GPCPD1: variants seen among roughly 807,000 people sequenced by gnomAD.
The protein encoded by GPCPD1 is glycerophosphocholine phosphodiesterase 1, also known as glycerophosphocholine phosphodiesterase GPCPD1.
GPCPD1 carries 29 observed loss-of-function variants against 89.2 expected under a neutral mutation model. The observed-to-expected ratio is 0.33, with a 90% CI of 0.24 to 0.44. GPCPD1 has a LOEUF of 0.44. Among genes scored for constraint, GPCPD1 ranks in the 20% least tolerant of loss-of-function variants. The pLI, the probability that GPCPD1 is intolerant of heterozygous loss-of-function variation, is 1.00. For synonymous variants in GPCPD1, 258 were observed against 266.3 expected (o/e 0.97, Z 0.30); for missense variants, 594 against 808.9 (o/e 0.73, Z 3.22).
At chr20:5,571,754 C>CA (rs1403620422) in intron 11 of GPCPD1, among the ~76,000 whole-genome samples, 1 of 151,976 alleles carries the variant, frequency 6.6e-6, no homozygotes, top group African/African-American at 2.4e-5. Context: ...ACTAAAATTA[C>CA]AAAAATTAGC....
intron 3 of GPCPD1, among the ~76,000 whole-genome samples, chr20:5,595,925 C>G (rs1432785746): frequency 6.6e-6 from 1 of 152,094 alleles, no homozygotes; most frequent in African/African-American, 2.4e-5. Context: ...CGTGCTGCCG[C>G]CTCTCCCTCA....
Position 5,570,426 on chromosome 20 carries a change from C to CAAA in GPCPD1, c.1057-190_1057-188dup, listed in dbSNP as rs36030193. On this transcript the variant is annotated intron_variant, in intron 11 of 19. Transcript: ENST00000379019. ...CAAAAGCACAGCTACTTTTTCCTGG[C>CAAA]AAAAAAAAAAAAAAAAAAAAACGGA... Among the ~76,000 whole-genome samples, 710 of 85,730 alleles carry CAAA rather than the reference C, an allele frequency of 8.3e-3. 23 individuals are homozygous for CAAA. The highest frequency in any genetic ancestry group is 0.043 in the East Asian group (125 of 2,892). The allele number at this position is 85,730 out of a possible 152,430, so 56.2% of individuals were successfully genotyped here.
At chr20:5,561,360 G>T in intron 16 of GPCPD1, 105 bp downstream of exon 16, 1 of 601,366 alleles carries the variant, frequency 1.7e-6, no homozygotes, top group South Asian at 2.3e-5. Flanking sequence ...AAGCCACAAT[G>T]AGATTTCAAT....
rs150061865 is a variant in GPCPD1, at chr20:5,594,945, T to C, written c.147-1534A>G. ...CAAACTTTTTTGTTATTATTATATC[T>C]GTTATGGTGATTGCATGCTACAGAA... On this transcript the variant is annotated intron_variant, in intron 3 of 19. Coordinates refer to ENST00000379019, the MANE Select transcript of GPCPD1 (RefSeq NM_019593.5). Among the ~76,000 whole-genome samples the C allele has an allele frequency of 1.1e-4, 16 of 152,318 alleles. No homozygotes were observed. The East Asian group carries it at 2.7e-3, about 26-fold the overall frequency.
intron 19 of GPCPD1, 80 bp from the exon 20 acceptor site, chr20:5,547,930 A>AT: frequency 1.5e-6 from 1 of 663,514 alleles, no homozygotes; most frequent in Non-Finnish European, 2.5e-6. Context: ...CAACCTTTTC[A>AT]TAAGAATTCA....
At chr20:5,583,757 A>G (rs548914561) in intron 6 of GPCPD1, among the ~76,000 whole-genome samples, 11 of 152,338 alleles carry the variant, frequency 7.2e-5, no homozygotes, top group African/African-American at 2.4e-4. Context: ...ACACAAACTT[A>G]GCCTAAGTGT....
chr20:5,593,505 T>C (rs1979483641), intron 3 of GPCPD1, 94 bp from the exon 4 acceptor site: 1 of 713,214 alleles, frequency 1.4e-6, no homozygotes, highest in Non-Finnish European at 2.5e-6. Flanking sequence ...ATAAAACGTA[T>C]GACCAATATC....
chr20:5,558,152 C>A (rs985402219), intron 18 of GPCPD1, 47 bp from the exon 19 acceptor site: 3 of 1,184,820 alleles, frequency 2.5e-6, no homozygotes, highest in African/African-American at 1.5e-5. Context: ...ACATTAACTG[C>A]AAAGCTAAAT....
At chr20:5,556,991 T>A (rs1985808013) in intron 19 of GPCPD1, among the ~76,000 whole-genome samples, 1 of 152,208 alleles carries the variant, frequency 6.6e-6, no homozygotes, top group South Asian at 2.1e-4. Flanking sequence ...GAATAGAAGT[T>A]GTTATTTGAA....
Position 5,578,493 on chromosome 20 carries a change from A to T in GPCPD1, c.592T>A (p.Cys198Ser). 1 of 1,613,810 alleles carries T rather than the reference A, an allele frequency of 6.2e-7. No individual in the cohort carries two copies. Among genetic ancestry groups the T allele is most frequent in the Non-Finnish European group, 8.5e-7 (1 of 1,179,636 alleles). ...CCACACTCCGGCTGTGAATGCCTGC[A>T]CTTGAACTCATTGTCGCTTATTAAG... ...ISLISDNEFK[C>S]RHSQPECGYG... The change falls in exon 8 of 20, where the codon TGC becomes AGC. Residue 198 changes from cysteine to serine, a missense_variant. Physicochemically the swap from Cys to Ser is moderately radical, Grantham distance 112 (BLOSUM62 -1). Coordinates refer to ENST00000379019, the MANE Select transcript of GPCPD1 (RefSeq NM_019593.5).
At chr20:5,564,609 C>T (rs193230771) in intron 15 of GPCPD1, among the ~76,000 whole-genome samples, 18 of 152,194 alleles carry the variant, frequency 1.2e-4, no homozygotes, top group Admixed American at 1.1e-3. Flanking sequence ...TGGGGGACAG[C>T]GTAAGTCCAG....
At chr20:5,574,916 T>C (rs1422602549) in intron 10 of GPCPD1, among the ~76,000 whole-genome samples, 3 of 152,142 alleles carry the variant, frequency 2.0e-5, no homozygotes, top group African/African-American at 4.8e-5. Context: ...CACTGGTAAT[T>C]AAATAAACTT....
chr20:5,586,346 G>A, intron 4 of GPCPD1, 77 bp from the exon 5 acceptor site: 1 of 776,816 alleles, frequency 1.3e-6, no homozygotes, highest in South Asian at 1.5e-5. Flanking sequence ...AGATGTTTGT[G>A]GCCTAAATCT....
At chr20:5,569,881 G>A (rs551063255) in intron 12 of GPCPD1, among the ~76,000 whole-genome samples, 10 of 152,070 alleles carry the variant, frequency 6.6e-5, no homozygotes, top group African/African-American at 1.4e-4. Context: ...TAGACAGACC[G>A]CTACAGAAAC....
intron 19 of GPCPD1, 81 bp downstream of exon 19, chr20:5,557,864 A>G (rs1050006964): frequency 5.1e-6 from 4 of 778,160 alleles, no homozygotes; most frequent in East Asian, 5.6e-5. Context: ...TAACTTAACT[A>G]AGTTTAATTT....
intron 3 of GPCPD1, among the ~76,000 whole-genome samples, chr20:5,595,370 TG>T (rs1979640310): frequency 6.6e-6 from 1 of 152,022 alleles, no homozygotes. Context: ...CTGCCAGGCG[TG>T]GTGGCTCACG....
At chr20:5,556,399 T>A (rs1422438439) in intron 19 of GPCPD1, among the ~76,000 whole-genome samples, 1 of 152,130 alleles carries the variant, frequency 6.6e-6, no homozygotes, top group African/African-American at 2.4e-5. Context: ...AGAGACAGGG[T>A]TTCACCATGT....
In GPCPD1 at chr20:5,604,368, T is replaced by C; in HGVS notation, c.45A>G (p.Leu15=). The part of the protein sequence containing the change: ...QVAFEIRGTL[L]PGEVFAICGS... Reference sequence around the variant, plus strand: ...AAAGTAAAACTTTTACAATACCTGGTAAAAGAGTTCCTCTTATTTCAAAGG... The same window carrying C: ...AAAGTAAAACTTTTACAATACCTGGCAAAAGAGTTCCTCTTATTTCAAAGG... The change falls in exon 2 of 20, where the codon TTA becomes TTG. Residue 15 remains leucine, a synonymous_variant. Coordinates refer to ENST00000379019, the MANE Select transcript of GPCPD1 (RefSeq NM_019593.5). 6.9e-7 allele frequency: 1 copy of C among 1,456,336 alleles called. No homozygotes were observed. Among genetic ancestry groups the C allele is most frequent in the East Asian group, 2.3e-5 (1 of 44,160 alleles). The allele number at this position is 1,456,336 out of a possible 1,614,324, so 90.2% of individuals were successfully genotyped here. A position where few individuals can be genotyped will look rare whatever the true frequency, so the allele number is the denominator to read the frequency against.
intron 19 of GPCPD1, among the ~76,000 whole-genome samples, chr20:5,554,013 G>C (rs1985597744): frequency 8.9e-6 from 1 of 111,836 alleles, no homozygotes; most frequent in Admixed American, 8.5e-5. Context: ...CTGTCACCCA[G>C]GCTGCAGTGC....
Sources: allele counts gnomAD v4.1 joint callset (sites outside exome capture counted in the v4.1 genomes callset), GRCh38; gene constraint gnomAD v4.1.1; transcripts MANE v1.5; gene names NCBI Gene and HGNC (gene_info 2026-07-23, HGNC 2026-07-21).